THSD1: variants seen among roughly 807,000 people sequenced by gnomAD.
THSD1 encodes the protein thrombospondin type-1 domain-containing protein 1.
A neutral mutation model predicts 46.3 loss-of-function variants in THSD1; 34 were observed. That is an observed-to-expected ratio of 0.74 (90% CI 0.56 to 0.98). The LOEUF (loss-of-function observed/expected upper bound fraction) is 0.98, where lower values mean the gene tolerates loss of function less well. Among genes scored for constraint, THSD1 ranks in the 50% least tolerant of loss-of-function variants. The probability of loss-of-function intolerance (pLI) is 0.00; values close to 1 mark genes in which losing one functional copy is unlikely to be tolerated. For synonymous variants in THSD1, 407 were observed against 416.5 expected (o/e 0.98, Z 0.28); for missense variants, 1,023 against 1,058.3 (o/e 0.97, Z 0.46).
At chr13:52,396,359 T>C (rs942080981) in intron 3 of THSD1, among the ~76,000 whole-genome samples, 3 of 151,928 alleles carry the variant, frequency 2.0e-5, no homozygotes, top group African/African-American at 7.3e-5. Flanking sequence ...CCGTCTCTAC[T>C]AAAAATACAA....
intron 4 of THSD1, among the ~76,000 whole-genome samples, chr13:52,383,612 C>T (rs1413322163): frequency 6.6e-6 from 1 of 152,228 alleles, no homozygotes; most frequent in Non-Finnish European, 1.5e-5. Context: ...TTTAAAATCA[C>T]AGCTGGAGAA....
Position 52,398,052 on chromosome 13 carries a change from G to A in THSD1, c.201C>T (p.Asn67=), listed in dbSNP as rs1594103591. ...ACTTGGTAGTTACAGTCTGATTGGT[G>A]TTGGCCTCCAACAGCAGGACAGATA... is the stretch of plus-strand genomic sequence containing the variant. The part of the protein sequence containing the change: ...RNVSVLLLEA[N]TNQTVTTKYL... Residue 67 remains asparagine, a synonymous_variant, in exon 3 of 5, where the codon AAC becomes AAT. Coordinates refer to ENST00000258613, the MANE Select transcript of THSD1 (RefSeq NM_018676.4). 7 of 1,614,194 alleles carry A rather than the reference G, an allele frequency of 4.3e-6. No individual in the cohort carries two copies. The highest frequency in any genetic ancestry group is 5.9e-6 in the Non-Finnish European group (7 of 1,180,034).
chr13:52,381,197 C>T (rs1193690389), intron 4 of THSD1, among the ~76,000 whole-genome samples: 1 of 152,182 alleles, frequency 6.6e-6, no homozygotes, highest in Non-Finnish European at 1.5e-5. Flanking sequence ...TGATCCATTA[C>T]TGAAACCATT....
chr13:52,404,405 A>T (rs926870917), intron 1 of THSD1, among the ~76,000 whole-genome samples: 2 of 152,256 alleles, frequency 1.3e-5, no homozygotes, highest in Non-Finnish European at 2.9e-5. Context: ...TCTTTCAGCA[A>T]GAGCTGCTGA....
chr13:52,404,576 C>G (rs1485939792), intron 1 of THSD1, among the ~76,000 whole-genome samples: 3 of 152,212 alleles, frequency 2.0e-5, no homozygotes, highest in Non-Finnish European at 2.9e-5. Context: ...CAGACTTGAC[C>G]CAATTCTTTC....
chr13:52,382,467 C>T (rs984533012), intron 4 of THSD1, among the ~76,000 whole-genome samples: 23 of 152,172 alleles, frequency 1.5e-4, no homozygotes, highest in African/African-American at 4.3e-4. Context: ...AGAGATACCA[C>T]GAAAACACAG....
intron 1 of THSD1, among the ~76,000 whole-genome samples, chr13:52,404,507 A>G (rs1399923272): frequency 6.6e-6 from 1 of 151,772 alleles, no homozygotes; most frequent in East Asian, 1.9e-4. Context: ...CGCCACCCCC[A>G]CCCAAAAAAA....
chr13:52,378,816 AC>A, intron 4 of THSD1, 27 bp from the exon 5 acceptor site: 1 of 1,533,718 alleles, frequency 6.5e-7, no homozygotes, highest in South Asian at 1.2e-5. Flanking sequence ...AACAAAACAA[AC>A]AAACAAAAAA....
chr13:52,392,179 GA>G (rs1957778170), intron 3 of THSD1, among the ~76,000 whole-genome samples: 3 of 124,008 alleles, frequency 2.4e-5, no homozygotes, highest in African/African-American at 9.2e-5. Context: ...GGGAGAGAGT[GA>G]GACTCCTCTC....
At chr13:52,398,397 A>G (rs1957828164) in intron 2 of THSD1, 1 of 656,980 alleles carries the variant, frequency 1.5e-6, no homozygotes, top group African/African-American at 2.0e-5. Context: ...GCCCTCACGA[A>G]TAGCTGGGAC....
At chr13:52,389,199 G>C (rs1484490628) in intron 3 of THSD1, among the ~76,000 whole-genome samples, 1 of 152,106 alleles carries the variant, frequency 6.6e-6, no homozygotes, top group Admixed American at 6.6e-5. Context: ...CTGATCTCAA[G>C]TGATCTGCCC....
In THSD1 at chr13:52,397,802, T is replaced by A; in HGVS notation, c.451A>T (p.Thr151Ser). Residue 151 changes from threonine (T) to serine (S), a missense_variant, in exon 3 of 5, where the codon ACC (threonine) becomes TCC (serine). Transcript: ENST00000258613. ...AEGTFQVGLF[T>S]SQPLCPFPVD... ...GGAAACGGGCACAGTGGTTGACTGG[T>A]AAATAGGCCCACTTGGAAGGTGCCT... 3 of 1,614,230 alleles carry A rather than the reference T, an allele frequency of 1.9e-6. No individual in the cohort carries two copies. The highest frequency in any genetic ancestry group is 2.5e-6 in the Non-Finnish European group (3 of 1,180,048).
intron 2 of THSD1, among the ~76,000 whole-genome samples, chr13:52,399,242 A>C (rs1162093299): frequency 6.6e-6 from 1 of 152,226 alleles, no homozygotes; most frequent in East Asian, 1.9e-4. Flanking sequence ...GCCTAAGTGA[A>C]AAGTGCAAAG....
chr13:52,390,024 CAGCT>C (rs1957761652), intron 3 of THSD1, among the ~76,000 whole-genome samples: 1 of 151,690 alleles, frequency 6.6e-6, no homozygotes, highest in Non-Finnish European at 1.5e-5. Flanking sequence ...CCTGTAGTAC[CAGCT>C]ACTCGGGAGA....
intron 1 of THSD1, among the ~76,000 whole-genome samples, chr13:52,404,577 CA>C (rs1957892293): frequency 6.6e-6 from 1 of 152,168 alleles, no homozygotes; most frequent in South Asian, 2.1e-4. Context: ...AGACTTGACC[CA>C]ATTCTTTCCT....
chr13:52,385,691 G>C (rs1229360523), intron 4 of THSD1, among the ~76,000 whole-genome samples: 1 of 94,310 alleles, frequency 1.1e-5, no homozygotes, highest in Non-Finnish European at 2.6e-5. Flanking sequence ...GAAACAGAGG[G>C]AGAAAAAACA....
chr13:52,402,632 C>T lies in THSD1; in HGVS notation c.-32G>A. 5 of 1,612,468 alleles carry T rather than the reference C, an allele frequency of 3.1e-6. No homozygotes were observed. The highest frequency in any genetic ancestry group is 3.4e-6 in the Non-Finnish European group (4 of 1,179,294). ...TGACAAAATCCCAGGTCTTTAGTCTCCTCATGTCCTTTCTCACGTCCAGAT... is the reference window on the plus strand; with the variant it reads ...TGACAAAATCCCAGGTCTTTAGTCTTCTCATGTCCTTTCTCACGTCCAGAT... On this transcript the variant is annotated 5_prime_UTR_variant, in exon 2 of 5. Coordinates refer to ENST00000258613, the MANE Select transcript of THSD1 (RefSeq NM_018676.4).
chr13:52,390,140 C>CAAA (rs71769281), intron 3 of THSD1, among the ~76,000 whole-genome samples: 2,200 of 138,364 alleles, frequency 0.016, 49 homozygotes, highest in African/African-American at 0.051. Context: ...GACATTGTCT[C>CAAA]AAAAAAAAAA....
At chr13:52,400,862 T>C (rs976021768) in intron 2 of THSD1, among the ~76,000 whole-genome samples, 2 of 152,364 alleles carry the variant, frequency 1.3e-5, no homozygotes, top group Middle Eastern at 3.4e-3. Context: ...TTGTATAATT[T>C]GTTTAAATGG....
Sources: gnomAD v4.1 joint callset for allele counts (sites outside exome capture counted in the v4.1 genomes callset) on GRCh38, gnomAD v4.1.1 for gene constraint, MANE v1.5 for transcripts, NCBI Gene and HGNC (gene_info 2026-07-23, HGNC 2026-07-21) for gene names.